Variants in SNRPA1 observed in about 807,000 individuals in gnomAD.
SNRPA1 encodes small nuclear ribonucleoprotein polypeptide A'.
Under a neutral mutation model 32.3 loss-of-function variants are expected in SNRPA1, and 5 were observed. The ratio of observed to expected loss-of-function variants is 0.15; its 90% CI spans 0.08 to 0.33. The LOEUF (loss-of-function observed/expected upper bound fraction) is 0.33. SNRPA1 is among the 10% of genes least tolerant of loss of function. The pLI is 1.00. For synonymous variants in SNRPA1, 111 were observed against 120.1 expected, an observed-to-expected ratio of 0.92 and a Z score of 0.50; for missense variants, 198 against 311.1, an observed-to-expected ratio of 0.64 and a Z score of 2.74.
At chr15:101,290,401 C>T (rs953777967) in intron 3 of SNRPA1, among the ~76,000 whole-genome samples, 2 of 152,152 alleles carry the variant, frequency 1.3e-5, no homozygotes, top group African/African-American at 2.4e-5. Context: ...ATACTTCACA[C>T]ACTTCAGAAA....
intron 4 of SNRPA1, 96 bp from the exon 5 acceptor site, chr15:101,287,106 A>G (rs982811858): frequency 1.8e-6 from 1 of 571,032 alleles, no homozygotes; most frequent in African/African-American, 1.9e-5. Context: ...AATCAAGGGA[A>G]CATTCACATT....
rs200062467 is a variant in SNRPA1, at chr15:101,284,936, T to C, written c.709+31A>G. The stretch of plus-strand genomic sequence containing the variant: ...AGTTACACTCTGAGTGTAACATTAA[T>C]TTGAACATACAAAGAACACCATTTG... On this transcript the variant is annotated intron_variant, in intron 8 of 8. Transcript: ENST00000254193. The C allele has an allele frequency of 1.1e-4, 163 of 1,538,184 alleles. 1 individual carries two copies. Among genetic ancestry groups the C allele is most frequent in the Middle Eastern group, 1.0e-3 (6 of 5,886 alleles).
In SNRPA1 at chr15:101,287,714, T is replaced by C. The variant is rs367549945; in HGVS notation, c.310-12A>G. 18 of 1,613,100 alleles carry C rather than the reference T, an allele frequency of 1.1e-5. No homozygotes were observed. The highest frequency in any genetic ancestry group is 9.3e-5 in the African/African-American group (7 of 74,878). On this transcript the variant is annotated splice_polypyrimidine_tract_variant and intron_variant, in intron 3 of 8. Transcript: ENST00000254193. ...GGGTCCAGATCACCCTGTCAAGCAA[T>C]AGCCACAGGTAAGAACGCGAATACC...
intron 6 of SNRPA1, 137 bp from the exon 7 acceptor site, chr15:101,285,938 CCTTCAGAAA>C: frequency 1.5e-6 from 1 of 669,562 alleles, no homozygotes; most frequent in East Asian, 2.7e-5. Flanking sequence ...AGAACTCTCT[CCTTCAGAAA>C]CACCATCCAG....
At chr15:101,284,624 T>C in intron 8 of SNRPA1, 1 of 178,554 alleles carries the variant, frequency 5.6e-6, no homozygotes, top group Middle Eastern at 2.7e-3. Flanking sequence ...TGCCTCAGCC[T>C]CCCGAGTAGC....
intron 8 of SNRPA1, among the ~76,000 whole-genome samples, chr15:101,283,074 G>A (rs2039414763): frequency 6.6e-6 from 1 of 152,144 alleles, no homozygotes; most frequent in South Asian, 2.1e-4. Flanking sequence ...GCTGCATCCA[G>A]GACACTCTTA....
intron 8 of SNRPA1, among the ~76,000 whole-genome samples, chr15:101,284,217 C>A (rs900852358): frequency 2.0e-5 from 3 of 152,204 alleles, no homozygotes; most frequent in African/African-American, 7.2e-5. Flanking sequence ...TCTCGGCAAC[C>A]TTTTGAGGTT....
intron 3 of SNRPA1, among the ~76,000 whole-genome samples, chr15:101,290,417 T>C (rs753512969): frequency 9.2e-5 from 14 of 152,204 alleles, no homozygotes; most frequent in African/African-American, 3.1e-4. Context: ...AGAAAGGACA[T>C]GGCCATGGAC....
At chr15:101,283,747 C>T (rs2039423025) in intron 8 of SNRPA1, among the ~76,000 whole-genome samples, 1 of 152,176 alleles carries the variant, frequency 6.6e-6, no homozygotes, top group Non-Finnish European at 1.5e-5. Flanking sequence ...AGATTGAGAC[C>T]ATCCTGGCCA....
intron 3 of SNRPA1, among the ~76,000 whole-genome samples, chr15:101,291,010 G>A (rs1327634861): frequency 6.6e-6 from 1 of 151,984 alleles, no homozygotes; most frequent in Non-Finnish European, 1.5e-5. Flanking sequence ...AAAGTGCTGG[G>A]ATTACAGGCA....
intron 5 of SNRPA1, chr15:101,286,578 TA>T (rs1225419929): frequency 2.1e-6 from 1 of 478,702 alleles, no homozygotes; most frequent in African/African-American, 2.0e-5. Flanking sequence ...AAAATCATCC[TA>T]ACACACGGAG....
intron 8 of SNRPA1, among the ~76,000 whole-genome samples, chr15:101,282,214 CA>C (rs2039403125): frequency 6.6e-6 from 1 of 152,136 alleles, no homozygotes; most frequent in Non-Finnish European, 1.5e-5. Context: ...CAACAACTAC[CA>C]AAAAATGTTA....
At chr15:101,291,594 T>C (rs2039527143) in intron 3 of SNRPA1, among the ~76,000 whole-genome samples, 2 of 152,040 alleles carry the variant, frequency 1.3e-5, no homozygotes, top group Admixed American at 6.6e-5. Flanking sequence ...CAATTATAAG[T>C]AGCCACCTGT....
At position 101,295,206 on chromosome 15, in the gene SNRPA1, T is replaced by C. The variant is rs1333442199; in HGVS notation, c.-28A>G. 1.3e-5 allele frequency: 19 copies of C among 1,510,854 alleles called. No homozygotes were observed. Among genetic ancestry groups the C allele is most frequent in the Non-Finnish European group, 1.7e-5 (19 of 1,131,170 alleles). 93.6% of individuals were successfully genotyped at this position (1,510,854 alleles called of 1,614,324 possible). A position where few individuals can be genotyped will look rare whatever the true frequency, so the allele number is the denominator to read the frequency against. On this transcript the variant is annotated 5_prime_UTR_variant, in exon 1 of 9. Transcript: ENST00000254193. ...TGCAGCCTCCCGTTCCCCCGCGCTG[T>C]GGAAAGCCCGTGGCCTCCCGCCAGC...
At chr15:101,286,397 G>T in intron 5 of SNRPA1, 104 bp from the exon 6 acceptor site, 1 of 983,028 alleles carries the variant, frequency 1.0e-6, no homozygotes, top group Non-Finnish European at 1.5e-6. Context: ...AGTACTCCGG[G>T]CTGGTGAAAA....
intron 8 of SNRPA1, among the ~76,000 whole-genome samples, chr15:101,283,458 C>A (rs369566470): frequency 2.0e-5 from 3 of 151,386 alleles, no homozygotes; most frequent in African/African-American, 7.3e-5. Context: ...CCCAGCTACT[C>A]GGGAGGCTGG....
intron 8 of SNRPA1, among the ~76,000 whole-genome samples, chr15:101,282,853 T>G (rs535154502): frequency 6.6e-6 from 1 of 152,336 alleles, no homozygotes; most frequent in East Asian, 1.9e-4. Context: ...ATTTTTGCTT[T>G]AAACCTTGAA....
chr15:101,285,024 C>G lies in SNRPA1; in HGVS notation c.652G>C (p.Glu218Gln). Reference sequence around the variant, plus strand: ...GACTGCAGCAACCCCTTCAGCCTCTCCACTTCAGCCAGAGTTGAAGCATTT... The same window carrying G: ...GACTGCAGCAACCCCTTCAGCCTCTGCACTTCAGCCAGAGTTGAAGCATTT... ...IANASTLAEV[E>Q]RLKGLLQSGQ... Residue 218 changes from glutamate to glutamine, a missense_variant, in exon 8 of 9, where the codon GAG becomes CAG. Around this residue, in one of 3 missense-constraint regions of SNRPA1, gnomAD observed 77 missense variants for 120.1 expected, o/e 0.64. Transcript: ENST00000254193. 6.2e-7 allele frequency: 1 copy of G among 1,613,994 alleles called. No homozygotes were observed. Among genetic ancestry groups the G allele is most frequent in the South Asian group, 1.1e-5 (1 of 91,078 alleles).
chr15:101,285,636 C>G, intron 7 of SNRPA1, 90 bp downstream of exon 7: 1 of 859,378 alleles, frequency 1.2e-6, no homozygotes, highest in Non-Finnish European at 1.9e-6. Flanking sequence ...AAAATGAAAT[C>G]TGCAATGTTC....
Sources: gnomAD v4.1 joint callset for allele counts (sites outside exome capture counted in the v4.1 genomes callset) on GRCh38, gnomAD v4.1.1 for gene constraint, gnomAD v4.1.1 regional missense constraint, MANE v1.5 for transcripts, NCBI Gene and HGNC (gene_info 2026-07-23, HGNC 2026-07-21) for gene names.